Variants in LPIN2 observed in about 807,000 individuals in gnomAD.
LPIN2 encodes the protein lipin 2.
LPIN2 carries 55 observed loss-of-function variants against 111.4 expected under a neutral mutation model. The ratio of observed to expected loss-of-function variants is 0.49; its 90% CI spans 0.40 to 0.62. The LOEUF (loss-of-function observed/expected upper bound fraction) is 0.62. LPIN2 is among the 20% of genes least tolerant of loss of function. The pLI is 0.00. For synonymous variants in LPIN2, 425 were observed against 414.0 expected (o/e 1.03, Z -0.32); for missense variants, 992 against 1,112.1 (o/e 0.89, Z 1.54).
rs148250044 is a variant in LPIN2 at position 2,952,301 on chromosome 18, C to A, written c.289-945G>T. On this transcript the variant is annotated intron_variant, in intron 3 of 19. Coordinates refer to ENST00000677752, the MANE Select transcript of LPIN2 (RefSeq NM_001375808.2). ...ATTAGCTGGGCCTGGTGATGCATGCCTGTAATCCCAGCTACTCAGGAGGCT... is the reference window on the plus strand; with the variant it reads ...ATTAGCTGGGCCTGGTGATGCATGCATGTAATCCCAGCTACTCAGGAGGCT... Among the ~76,000 whole-genome samples the A allele has an allele frequency of 2.7e-3, 407 of 152,230 alleles. 1 individual carries two copies. The highest frequency in any genetic ancestry group is 9.2e-3 in the African/African-American group (383 of 41,534).
chr18:2,993,783 T>TAG lies in LPIN2; in HGVS notation c.-10+19302_-10+19303dup, dbSNP rs1016937412. Among the ~76,000 whole-genome samples the TAG allele has an allele frequency of 5.5e-4, 84 of 152,172 alleles. 1 individual carries two copies. The highest frequency in any genetic ancestry group is 1.9e-3 in the African/African-American group (80 of 41,436). The stretch of plus-strand genomic sequence containing the variant: ...CTAGAGAATATATATAGCCCATGAG[T>TAG]AGTTTGTGCCATTCTCATTTCTGAG... On this transcript the variant is annotated intron_variant, in intron 1 of 19. Transcript: ENST00000677752.
At chr18:2,983,556 C>T (rs1273409191) in intron 1 of LPIN2, among the ~76,000 whole-genome samples, 1 of 151,994 alleles carries the variant, frequency 6.6e-6, no homozygotes, top group African/African-American at 2.4e-5. Context: ...TTTTTCATAC[C>T]ATTGTCTAGG....
At chr18:2,996,495 TG>T (rs1205921611) in intron 1 of LPIN2, among the ~76,000 whole-genome samples, 3 of 104,244 alleles carry the variant, frequency 2.9e-5, no homozygotes, top group African/African-American at 7.5e-5. Context: ...TTTTTTTTTT[TG>T]AGACAGAGTC....
At chr18:2,952,324 G>C (rs1875089446) in intron 3 of LPIN2, among the ~76,000 whole-genome samples, 1 of 152,146 alleles carries the variant, frequency 6.6e-6, no homozygotes, top group African/African-American at 2.4e-5. Flanking sequence ...TACTCAGGAG[G>C]CTGAGGCAGA....
chr18:3,009,873 T>C (rs1385038123), intron 1 of LPIN2, among the ~76,000 whole-genome samples: 2 of 152,364 alleles, frequency 1.3e-5, no homozygotes, highest in South Asian at 4.1e-4. Flanking sequence ...ATGTTTACTT[T>C]ATCATCATTT....
At position 2,925,265 on chromosome 18, in the gene LPIN2, T is replaced by C. The variant is rs2077113538; in HGVS notation, c.1897A>G (p.Thr633Ala). 1.2e-6 allele frequency: 2 copies of C among 1,614,140 alleles called. No homozygotes were observed. The highest frequency in any genetic ancestry group is 1.7e-6 in the Non-Finnish European group (2 of 1,179,996). ...PTEPLSHGST[T>A]SYKKSLRLSS... ...AGGCGGAGAGACTTCTTATATGAAG[T>C]TGTGCTGCCGTGGCTCAGGGGCTCT... Residue 633 changes from threonine (T) to alanine (A), a missense_variant, in exon 14 of 20, where the codon ACT becomes GCT. Thr to Ala is a moderately conservative substitution (Grantham distance 58). Around this residue, in one of 4 missense-constraint regions of LPIN2, gnomAD observed 709 missense variants for 753.2 expected, o/e 0.94. Transcript: ENST00000677752. This position sits in a 1 kb window ranked among gnomAD's most constrained non-coding sequence, Gnocchi z 4.1.
In LPIN2 at chr18:2,949,910, G is replaced by A. The variant is rs1286382972; in HGVS notation, c.590+1145C>T. Among the ~76,000 whole-genome samples, 4 of 152,124 alleles carry A rather than the reference G, an allele frequency of 2.6e-5. No homozygotes were observed. The East Asian group carries it at 7.7e-4, about 29-fold the overall frequency. Reference sequence around the variant, plus strand: ...GGCCAGGAATTTGAGACCAGCCTGGGCAACATAGCAAGACCTCAACTCTAC... The same window carrying A: ...GGCCAGGAATTTGAGACCAGCCTGGACAACATAGCAAGACCTCAACTCTAC... On this transcript the variant is annotated intron_variant, in intron 4 of 19. Coordinates refer to ENST00000677752, the MANE Select transcript of LPIN2 (RefSeq NM_001375808.2).
intron 1 of LPIN2, among the ~76,000 whole-genome samples, chr18:2,993,389 G>C (rs149533353): frequency 6.6e-6 from 1 of 152,208 alleles, no homozygotes; most frequent in Non-Finnish European, 1.5e-5. Context: ...AAACTTCCTA[G>C]GTTATTTGAA....
At chr18:2,950,338 A>C (rs958877415) in intron 4 of LPIN2, 2 of 152,314 alleles carry the variant, frequency 1.3e-5, no homozygotes, top group Non-Finnish European at 2.9e-5. Flanking sequence ...GTGAAAACAC[A>C]CAAGTGGACC....
intron 1 of LPIN2, among the ~76,000 whole-genome samples, chr18:2,998,071 C>T (rs1435211047): frequency 1.3e-5 from 2 of 152,176 alleles, no homozygotes; most frequent in Admixed American, 1.3e-4. Context: ...AAGTTTCATG[C>T]CCTGCTTTAT....
intron 4 of LPIN2, among the ~76,000 whole-genome samples, chr18:2,944,007 C>A (rs1056626797): frequency 2.6e-5 from 4 of 152,070 alleles, no homozygotes; most frequent in African/African-American, 4.8e-5. Flanking sequence ...GGGAAATAAA[C>A]CCCTTTTAAT....
At chr18:2,950,768 C>T (rs73375279) in intron 4 of LPIN2, 21 of 454,254 alleles carry the variant, frequency 4.6e-5, no homozygotes, top group African/African-American at 9.9e-5. Flanking sequence ...CACCGAGGGG[C>T]AAATCACTAA....
chr18:2,959,161 T>C (rs2077669251), intron 2 of LPIN2, among the ~76,000 whole-genome samples: 1 of 152,224 alleles, frequency 6.6e-6, no homozygotes, highest in East Asian at 1.9e-4. Flanking sequence ...CAACTGCTTT[T>C]GCTTTCTAAA....
At chr18:2,927,097 C>T (rs2077144298) in intron 12 of LPIN2, among the ~76,000 whole-genome samples, 1 of 152,222 alleles carries the variant, frequency 6.6e-6, no homozygotes, top group Non-Finnish European at 1.5e-5. Context: ...AGGTCCCCAG[C>T]TTCCTTCTCC....
intron 1 of LPIN2, among the ~76,000 whole-genome samples, chr18:2,986,454 C>G (rs539408158): frequency 2.3e-4 from 10 of 42,908 alleles, no homozygotes; most frequent in Non-Finnish European, 7.7e-4. Context: ...CTTAAAGTGA[C>G]TCTCCCAAAG....
intron 2 of LPIN2, among the ~76,000 whole-genome samples, chr18:2,960,219 T>TGTGTGTGTGTGTG (rs1568574269): frequency 6.8e-6 from 1 of 147,230 alleles, no homozygotes. Context: ...TGTGTGTGTG[T>TGTGTGTGTGTGTG]TCTTGATTAT....
chr18:2,970,741 A>G (rs1354675545), intron 1 of LPIN2, among the ~76,000 whole-genome samples: 2 of 152,216 alleles, frequency 1.3e-5, no homozygotes, highest in African/African-American at 4.8e-5. Context: ...ATCTGTTGAG[A>G]AAAAAATTTT....
chr18:2,921,738 A>G (rs2144117071), intron 17 of LPIN2, 91 bp from the exon 18 acceptor site: 3 of 895,024 alleles, frequency 3.4e-6, no homozygotes, highest in Admixed American at 3.8e-5. Context: ...ACAACCACCC[A>G]ATTTCTTCAA....
chr18:2,981,953 TTTCC>T (rs1198610642), intron 1 of LPIN2, among the ~76,000 whole-genome samples: 11 of 152,144 alleles, frequency 7.2e-5, no homozygotes, highest in Non-Finnish European at 1.3e-4. Context: ...GAAAATAGTG[TTTCC>T]TTCCTATTAT....
Sources: allele counts gnomAD v4.1 joint callset (sites outside exome capture counted in the v4.1 genomes callset), GRCh38; gene constraint gnomAD v4.1.1; regional missense constraint gnomAD v4.1.1; non-coding constraint Gnocchi (gnomAD v3.1); transcripts MANE v1.5; gene names NCBI Gene and HGNC (gene_info 2026-07-23, HGNC 2026-07-21).